The following C12orf42 variants were observed in gnomAD, a reference collection of about 807,000 sequenced individuals.
C12orf42 encodes chromosome 12 open reading frame 42.
Under a neutral mutation model 21.6 loss-of-function variants are expected in C12orf42, and 25 were observed. The observed-to-expected ratio is 1.16, with a 90% CI of 0.84 to 1.62. C12orf42 has a LOEUF of 1.62. C12orf42 is among the 40% of genes most tolerant of loss of function. C12orf42 has a pLI of 0.00. For synonymous variants in C12orf42, 174 were observed against 175.0 expected (o/e 0.99, Z 0.05); for missense variants, 483 against 459.3 (o/e 1.05, Z -0.47).
the C12orf42 span, among the ~76,000 whole-genome samples, chr12:103,094,601 C>A: frequency 6.6e-6 from 1 of 152,174 alleles, no homozygotes; most frequent in Non-Finnish European, 1.5e-5. Context: ...TCATTTATGA[C>A]CCTTTTATCT....
the C12orf42 span, among the ~76,000 whole-genome samples, chr12:103,085,775 G>A: frequency 6.6e-6 from 1 of 152,094 alleles, no homozygotes; most frequent in Non-Finnish European, 1.5e-5. Context: ...CTTTGTGTGT[G>A]CACCTGTTCA....
intron 4 of C12orf42, among the ~76,000 whole-genome samples, chr12:103,336,155 C>T (rs530527517): frequency 6.6e-6 from 1 of 152,288 alleles, no homozygotes; most frequent in East Asian, 1.9e-4. Context: ...GTTGGAGAAC[C>T]TTTGCCAGTG....
At chr12:103,432,143 G>A (rs995155705) in intron 2 of C12orf42, among the ~76,000 whole-genome samples, 2 of 152,124 alleles carry the variant, frequency 1.3e-5, no homozygotes, top group African/African-American at 4.8e-5. Context: ...ATGCTCACTT[G>A]AGGCATTCTT....
chr12:103,356,529 G>A (rs186162121), intron 4 of C12orf42, among the ~76,000 whole-genome samples: 4,772 of 151,756 alleles, frequency 0.031, 99 homozygotes, highest in Non-Finnish European at 0.046. Context: ...TAGTCCTTTG[G>A]GTATATACCC....
At chr12:103,501,268 T>C in the C12orf42 span, among the ~76,000 whole-genome samples, 1 of 152,152 alleles carries the variant, frequency 6.6e-6, no homozygotes, top group African/African-American at 2.4e-5. Context: ...GTTTGAGCAA[T>C]TCACTGGGAG....
intron 3 of C12orf42, among the ~76,000 whole-genome samples, chr12:103,378,274 C>G (rs1285513113): frequency 1.3e-5 from 2 of 152,138 alleles, no homozygotes; most frequent in African/African-American, 4.8e-5. Flanking sequence ...ACCAGATACC[C>G]TCACTGCTCA....
chr12:103,427,278 G>C (rs1246315849), intron 2 of C12orf42, among the ~76,000 whole-genome samples: 1 of 121,348 alleles, frequency 8.2e-6, no homozygotes, highest in Non-Finnish European at 1.7e-5. Flanking sequence ...CCAAGCAAAT[G>C]GAAAGCAAAA....
At chr12:103,227,621 G>A in the C12orf42 span, among the ~76,000 whole-genome samples, 8 of 152,000 alleles carry the variant, frequency 5.3e-5, no homozygotes, top group African/African-American at 1.9e-4. Context: ...AGGAGAGAAG[G>A]GGTTGGGGTA....
intron 10 of C12orf42, among the ~76,000 whole-genome samples, chr12:103,246,802 T>C (rs1172675597): frequency 6.6e-6 from 1 of 151,984 alleles, no homozygotes; most frequent in Non-Finnish European, 1.5e-5. Flanking sequence ...CCATGGACTA[T>C]GTTTTTAAAA....
At chr12:103,124,246 G>T in the C12orf42 span, among the ~76,000 whole-genome samples, 1 of 128,284 alleles carries the variant, frequency 7.8e-6, no homozygotes, top group African/African-American at 3.0e-5. Context: ...TTAGAGGTCT[G>T]TTCCATCCTC....
chr12:103,372,995 G>A (rs1036285241), intron 3 of C12orf42, among the ~76,000 whole-genome samples: 1 of 152,136 alleles, frequency 6.6e-6, no homozygotes, highest in Non-Finnish European at 1.5e-5. Flanking sequence ...CCATATCATG[G>A]ACCAGATGCA....
At chr12:103,424,783 T>G (rs573196559) in intron 2 of C12orf42, among the ~76,000 whole-genome samples, 2 of 152,146 alleles carry the variant, frequency 1.3e-5, no homozygotes, top group Non-Finnish European at 2.9e-5. Context: ...GTTTTTGTTT[T>G]GTTTTGTTTT....
intron 4 of C12orf42, among the ~76,000 whole-genome samples, chr12:103,277,859 T>C (rs1280167276): frequency 6.6e-6 from 1 of 152,160 alleles, no homozygotes; most frequent in Non-Finnish European, 1.5e-5. Flanking sequence ...GGCCTCGTGA[T>C]CCACCTGCCT....
chr12:103,361,768 C>G (rs1287278249), intron 4 of C12orf42, among the ~76,000 whole-genome samples: 1 of 152,130 alleles, frequency 6.6e-6, no homozygotes, highest in East Asian at 1.9e-4. Context: ...CATGACACAG[C>G]AGAGGCAGCC....
At chr12:103,238,986 C>T (rs1483008319) in intron 10 of C12orf42, among the ~76,000 whole-genome samples, 1 of 152,114 alleles carries the variant, frequency 6.6e-6, no homozygotes, top group Non-Finnish European at 1.5e-5. Flanking sequence ...TGTGGCTGGG[C>T]CATTGGGCTT....
chr12:103,427,246 T>C (rs1223765441), intron 2 of C12orf42, among the ~76,000 whole-genome samples: 4 of 82,444 alleles, frequency 4.9e-5, no homozygotes, highest in Non-Finnish European at 9.8e-5. Flanking sequence ...AGGCTCAAAA[T>C]AAAGGGATGG....
chr12:103,118,547 C>A, the C12orf42 span, among the ~76,000 whole-genome samples: 7 of 151,676 alleles, frequency 4.6e-5, no homozygotes, highest in East Asian at 1.9e-4. Flanking sequence ...GCCTGTAATC[C>A]CAGCACTTTG....
At chr12:103,131,866 TG>T in the C12orf42 span, among the ~76,000 whole-genome samples, 1 of 152,056 alleles carries the variant, frequency 6.6e-6, no homozygotes, top group African/African-American at 2.4e-5. Context: ...TTGGTGGTGA[TG>T]GGGTGATGTT....
chr12:103,200,087 C>A, the C12orf42 span, among the ~76,000 whole-genome samples: 1 of 151,748 alleles, frequency 6.6e-6, no homozygotes, highest in Non-Finnish European at 1.5e-5. Context: ...TCTAAATGTC[C>A]ATTAACAGAT....
Sources: allele counts gnomAD v4.1 joint callset (sites outside exome capture counted in the v4.1 genomes callset), GRCh38; gene constraint gnomAD v4.1.1; transcripts MANE v1.5; gene names NCBI Gene and HGNC (gene_info 2026-07-23, HGNC 2026-07-21).